LMAN2: variants seen among roughly 807,000 people sequenced by gnomAD.
LMAN2 encodes vesicular integral-membrane protein VIP36.
LMAN2 carries 22 observed loss-of-function variants against 39.3 expected under a neutral mutation model. The observed-to-expected ratio is 0.56, with a 90% CI of 0.40 to 0.80. The LOEUF is 0.80. LMAN2 is among the 30% of genes least tolerant of loss of function. The pLI is 0.00. For missense variants in LMAN2, 494 were observed against 505.4 expected, an observed-to-expected ratio of 0.98 and a Z score of 0.22; for synonymous variants, 207 against 207.8, an observed-to-expected ratio of 1.00 and a Z score of 0.03.
intron 2 of LMAN2, among the ~76,000 whole-genome samples, chr5:177,348,931 C>A (rs1018159744): frequency 1.3e-5 from 2 of 151,272 alleles, no homozygotes; most frequent in East Asian, 3.9e-4. Context: ...TATTTAGATT[C>A]CACTGAATGT....
At chr5:177,348,386 A>G (rs540868024) in intron 2 of LMAN2, among the ~76,000 whole-genome samples, 1 of 152,274 alleles carries the variant, frequency 6.6e-6, no homozygotes, top group South Asian at 2.1e-4. Flanking sequence ...TACAAGTTCA[A>G]TTAAAAAACT....
intron 2 of LMAN2, among the ~76,000 whole-genome samples, chr5:177,342,349 AAAT>A (rs1244982611): frequency 6.6e-6 from 1 of 152,098 alleles, no homozygotes; most frequent in Non-Finnish European, 1.5e-5. Flanking sequence ...CTATAAAAAA[AAAT>A]AATAATAAGT....
At chr5:177,334,155 G>T in intron 7 of LMAN2, 129 bp downstream of exon 7, 1 of 1,444,328 alleles carries the variant, frequency 6.9e-7, no homozygotes, top group South Asian at 1.4e-5. Context: ...TGCCAGGACC[G>T]GGCTGATCCA....
chr5:177,346,350 T>G (rs542416177), intron 2 of LMAN2: 1 of 569,018 alleles, frequency 1.8e-6, no homozygotes, highest in East Asian at 4.0e-5. Flanking sequence ...TCCACAGTCC[T>G]TCTGAGATTA....
At chr5:177,341,388 A>G (rs1761552529) in intron 2 of LMAN2, among the ~76,000 whole-genome samples, 2 of 152,282 alleles carry the variant, frequency 1.3e-5, no homozygotes, top group South Asian at 4.1e-4. Flanking sequence ...ATAATCTTAA[A>G]GAAAAAGGAA....
intron 6 of LMAN2, among the ~76,000 whole-genome samples, chr5:177,335,287 C>T (rs1190427210): frequency 6.6e-6 from 1 of 152,218 alleles, no homozygotes; most frequent in Non-Finnish European, 1.5e-5. Context: ...CCCATCTGGG[C>T]TCTGCTGCTT....
At chr5:177,350,164 G>A (rs1309579606) in intron 2 of LMAN2, among the ~76,000 whole-genome samples, 1 of 151,692 alleles carries the variant, frequency 6.6e-6, no homozygotes, top group Non-Finnish European at 1.5e-5. Flanking sequence ...AGGAGAGGAG[G>A]AGCAGAGGGG....
Position 177,332,867 on chromosome 5 carries a change from A to G in LMAN2, c.911-621T>C, listed in dbSNP as rs1761411195. On this transcript the variant is annotated intron_variant, in intron 7 of 7. Coordinates refer to ENST00000303127, the MANE Select transcript of LMAN2 (RefSeq NM_006816.3). This position sits in a 1 kb window ranked among gnomAD's most constrained non-coding sequence, Gnocchi z 6.3. ...AAGCTCTCCAGGCTGTGGGTGGAGG[A>G]GCTGGGGTCTGGCTGGGCCCTGTTT... is the stretch of plus-strand genomic sequence containing the variant. Among the ~76,000 whole-genome samples the G allele has an allele frequency of 6.6e-6, 1 of 152,076 alleles. No individual in the cohort carries two copies. The highest frequency in any genetic ancestry group is 1.5e-5 in the Non-Finnish European group (1 of 67,992).
chr5:177,337,624 C>T lies in LMAN2; in HGVS notation c.513+82G>A. 1 of 1,604,116 alleles carries T rather than the reference C, an allele frequency of 6.2e-7. No homozygotes were observed. Among genetic ancestry groups the T allele is most frequent in the East Asian group, 2.2e-5 (1 of 44,522 alleles). ...CCTGGAGGCTCCTCTTGTGCTGGGA[C>T]CATGGAAGTCCCAGGGCCCCCTCCT... is the stretch of plus-strand genomic sequence containing the variant. On this transcript the variant is annotated intron_variant, in intron 4 of 7. Coordinates refer to ENST00000303127, the MANE Select transcript of LMAN2 (RefSeq NM_006816.3). This position sits in a 1 kb window ranked among gnomAD's most constrained non-coding sequence, Gnocchi z 8.2.
intron 6 of LMAN2, among the ~76,000 whole-genome samples, chr5:177,336,550 G>C (rs1442287053): frequency 6.6e-6 from 1 of 152,222 alleles, no homozygotes; most frequent in Non-Finnish European, 1.5e-5. Context: ...GGGAAGTGGT[G>C]AGACGTGCTG....
intron 2 of LMAN2, among the ~76,000 whole-genome samples, chr5:177,344,914 A>G (rs1431011731): frequency 6.7e-6 from 1 of 149,698 alleles, no homozygotes. Flanking sequence ...TCAAAAAAAG[A>G]AAAGAAAAGA....
At chr5:177,347,688 C>T (rs753928386) in intron 2 of LMAN2, among the ~76,000 whole-genome samples, 4 of 152,188 alleles carry the variant, frequency 2.6e-5, no homozygotes, top group Non-Finnish European at 5.9e-5. Context: ...CACATCTCTG[C>T]TTGCAACGAA....
intron 2 of LMAN2, among the ~76,000 whole-genome samples, chr5:177,349,798 G>C: frequency 6.6e-6 from 1 of 152,200 alleles, no homozygotes; most frequent in East Asian, 1.9e-4. Context: ...AAGACAGAAT[G>C]TGACAGAATG....
chr5:177,351,119 G>T, intron 2 of LMAN2, 54 bp downstream of exon 2: 2 of 1,504,018 alleles, frequency 1.3e-6, no homozygotes, highest in Non-Finnish European at 1.9e-6. Context: ...TGCTCGGGAG[G>T]CAGGGACTAG....
chr5:177,344,345 C>T (rs1278391986), intron 2 of LMAN2, among the ~76,000 whole-genome samples: 1 of 125,906 alleles, frequency 7.9e-6, no homozygotes, highest in Non-Finnish European at 1.6e-5. Flanking sequence ...AGTGCAGTGG[C>T]GTGATCTCAG....
chr5:177,336,245 C>A (rs567125410), intron 6 of LMAN2, among the ~76,000 whole-genome samples: 1 of 152,094 alleles, frequency 6.6e-6, no homozygotes. Context: ...GTGAAACAGC[C>A]GGGGCAGGAG....
chr5:177,342,314 TG>T (rs1761566114), intron 2 of LMAN2, among the ~76,000 whole-genome samples: 1 of 152,008 alleles, frequency 6.6e-6, no homozygotes, highest in South Asian at 2.1e-4. Flanking sequence ...AAGACCAGCC[TG>T]GGCAACACAG....
chr5:177,350,698 G>A (rs1037274532), intron 2 of LMAN2, among the ~76,000 whole-genome samples: 1 of 152,214 alleles, frequency 6.6e-6, no homozygotes, highest in African/African-American at 2.4e-5. Context: ...GTATAGTCAT[G>A]AAAGCCATCT....
chr5:177,334,917 C>T (rs1019009571), intron 6 of LMAN2, among the ~76,000 whole-genome samples: 19 of 152,208 alleles, frequency 1.2e-4, no homozygotes, highest in African/African-American at 3.6e-4. Context: ...AGGGGAACAA[C>T]TCGGCAACCA....
Sources: allele counts gnomAD v4.1 joint callset (sites outside exome capture counted in the v4.1 genomes callset), GRCh38; gene constraint gnomAD v4.1.1; non-coding constraint Gnocchi (gnomAD v3.1); transcripts MANE v1.5; gene names NCBI Gene and HGNC (gene_info 2026-07-23, HGNC 2026-07-21).